ZKSCAN5: variants seen among roughly 807,000 people sequenced by gnomAD.
ZKSCAN5 encodes the protein zinc finger with KRAB and SCAN domains 5.
Under a neutral mutation model 60.0 loss-of-function variants are expected in ZKSCAN5, and 28 were observed. That is an observed-to-expected ratio of 0.47 (90% CI 0.35 to 0.64). ZKSCAN5 has a LOEUF of 0.64. Among genes scored for constraint, ZKSCAN5 ranks in the 30% least tolerant of loss-of-function variants. ZKSCAN5 has a pLI of 0.01. For missense variants in ZKSCAN5, 881 were observed against 1,034.6 expected (o/e 0.85, Z 2.04); for synonymous variants, 361 against 371.2 (o/e 0.97, Z 0.31).
Position 99,532,119 on chromosome 7 carries a change from G to T in ZKSCAN5, c.2390G>T (p.Gly797Val). 6.2e-7 allele frequency: 1 copy of T among 1,614,124 alleles called. No individual in the cohort carries two copies. The highest frequency in any genetic ancestry group is 1.1e-5 in the South Asian group (1 of 91,088). Residue 797 changes from glycine (G) to valine (V), a missense_variant, in exon 7 of 7, where the codon GGT (glycine) becomes GTT (valine). Physicochemically the swap from Gly to Val is moderately radical, Grantham distance 109 (BLOSUM62 -3). Transcript: ENST00000326775. ...HLNQHQRIHT[G>V]EKPFQCKECG... The stretch of plus-strand genomic sequence containing the variant: ...AATCAACATCAGAGAATCCATACTG[G>T]TGAGAAACCTTTTCAATGTAAAGAA...
intron 3 of ZKSCAN5, among the ~76,000 whole-genome samples, chr7:99,519,121 A>G (rs1584186604): frequency 6.7e-6 from 1 of 148,744 alleles, no homozygotes; most frequent in Admixed American, 6.8e-5. Context: ...GACTACAGGC[A>G]CCTGCCACCA....
In ZKSCAN5 at chr7:99,533,387, G is replaced by A; in HGVS notation, c.*1138G>A. 3.5e-6 allele frequency: 2 copies of A among 569,006 alleles called. No homozygotes were observed. The highest frequency in any genetic ancestry group is 3.2e-6 in the Non-Finnish European group (1 of 311,656). 35.2% of individuals were successfully genotyped at this position (569,006 alleles called of 1,614,324 possible). On this transcript the variant is annotated 3_prime_UTR_variant, in exon 7 of 7. Transcript: ENST00000326775. ...CTAGGGAGAGTGAGTGAGTGCTCTT[G>A]GGCACTGCTCAGGCCGTTTCTGCTG...
At position 99,519,273 on chromosome 7, in the gene ZKSCAN5, ATT is replaced by A. The variant is rs536984886; in HGVS notation, c.554-535_554-534del. On this transcript the variant is annotated intron_variant, in intron 3 of 6. Coordinates refer to ENST00000326775, the MANE Select transcript of ZKSCAN5 (RefSeq NM_145102.4). ...ACAGGCGTGAGCCACCACGCCCAGT[ATT>A]TTTTTTTTTTTTTTTTTTCTGAGAC... 2.0e-3 allele frequency among the ~76,000 whole-genome samples: 229 copies of A among 112,632 alleles called. 2 individuals are homozygous for A. The highest frequency in any genetic ancestry group is 1.0e-2 in the South Asian group (34 of 3,414). The allele number at this position is 112,632 out of a possible 152,430, so 73.9% of individuals were successfully genotyped here.
intron 2 of ZKSCAN5, 21 bp downstream of exon 2, chr7:99,506,479 A>C: frequency 6.3e-7 from 1 of 1,589,516 alleles, no homozygotes; most frequent in South Asian, 1.1e-5. Flanking sequence ...GAGAAGCTAT[A>C]TGAGCAATGA....
intron 5 of ZKSCAN5, among the ~76,000 whole-genome samples, chr7:99,521,603 T>A (rs1409521189): frequency 3.3e-5 from 5 of 152,050 alleles, no homozygotes; most frequent in African/African-American, 1.2e-4. Context: ...GACTCTGCTC[T>A]TTTAAATTTT....
chr7:99,531,526 C>T lies in ZKSCAN5; in HGVS notation c.1797C>T (p.His599=), dbSNP rs1452597751. 3 of 1,614,098 alleles carry T rather than the reference C, an allele frequency of 1.9e-6. No homozygotes were observed. In the African/African-American group the frequency reaches 4.0e-5, roughly 22 times the overall value. ...ACCTAACTCAGCATCAGCGCGTCCA[C>T]ACAGGTGAGAAGCCCTACACCTGTC... ...RVHLTQHQRV[H]TGEKPYTCPL... The change falls in exon 7 of 7, where the codon CAC becomes CAT. Residue 599 remains histidine (H), a synonymous_variant. Coordinates refer to ENST00000326775, the MANE Select transcript of ZKSCAN5 (RefSeq NM_145102.4).
At chr7:99,505,855 T>A in intron 1 of ZKSCAN5, 150 bp from the exon 2 acceptor site, 1 of 586,764 alleles carries the variant, frequency 1.7e-6, no homozygotes, top group East Asian at 3.1e-5. Flanking sequence ...TATTTTTAAG[T>A]AAATTACTTT....
chr7:99,506,237 C>T lies in ZKSCAN5; in HGVS notation c.193C>T (p.Arg65Trp), dbSNP rs1800720572. The change falls in exon 2 of 7, where the codon CGG becomes TGG. Residue 65 changes from arginine (R) to tryptophan (W), a missense_variant. Transcript: ENST00000326775. ...CCAGTACCATGAGGCTTCAGGACCC[C>T]GGGAGGCTCTCAGCCAACTCCGGGT... ...HFQYHEASGP[R>W]EALSQLRVLC... The T allele has an allele frequency of 1.9e-6, 3 of 1,614,160 alleles. No homozygotes were observed. Among genetic ancestry groups the T allele is most frequent in the East Asian group, 4.5e-5 (2 of 44,888 alleles).
chr7:99,505,508 A>G (rs886193105), intron 1 of ZKSCAN5: 10 of 156,138 alleles, frequency 6.4e-5, no homozygotes, highest in African/African-American at 2.4e-4. Context: ...CCAGATCTGT[A>G]CCTTATAAAC....
chr7:99,508,696 C>T (rs963260439), intron 2 of ZKSCAN5, among the ~76,000 whole-genome samples: 5 of 151,258 alleles, frequency 3.3e-5, no homozygotes, highest in African/African-American at 1.2e-4. Flanking sequence ...TTGCAGTGAG[C>T]CGAGATTGCG....
At position 99,531,259 on chromosome 7, in the gene ZKSCAN5, G is replaced by A. The variant is rs552912979; in HGVS notation, c.1530G>A (p.Leu510=). The change falls in exon 7 of 7, where the codon CTG becomes CTA. Residue 510 remains leucine, a synonymous_variant. Coordinates refer to ENST00000326775, the MANE Select transcript of ZKSCAN5 (RefSeq NM_145102.4). ...FGEGCEFQGK[L]DRKQGIPMKE... ...AAGGCTGTGAGTTTCAAGGCAAGCT[G>A]GATAGAAAGCAGGGAATTCCCATGA... The A allele has an allele frequency of 1.5e-5, 25 of 1,614,004 alleles. No homozygotes were observed. The highest frequency in any genetic ancestry group is 2.1e-5 in the Non-Finnish European group (25 of 1,180,028).
chr7:99,514,358 A>G (rs528685348), intron 3 of ZKSCAN5, among the ~76,000 whole-genome samples: 3 of 152,278 alleles, frequency 2.0e-5, no homozygotes, highest in South Asian at 2.1e-4. Flanking sequence ...TGTGTCATCT[A>G]CTGAGTTGCC....
chr7:99,525,716 T>C (rs1801747251), intron 5 of ZKSCAN5, 97 bp from the exon 6 acceptor site: 1 of 1,463,764 alleles, frequency 6.8e-7, no homozygotes. Context: ...GAATCATGGA[T>C]CCCTAGCACA....
intron 6 of ZKSCAN5, among the ~76,000 whole-genome samples, chr7:99,530,785 G>A (rs563845827): frequency 6.6e-6 from 1 of 152,238 alleles, no homozygotes; most frequent in Non-Finnish European, 1.5e-5. Flanking sequence ...GGCCAGGCAC[G>A]GTGGCTTAAA....
chr7:99,534,121 A>G lies in ZKSCAN5; in HGVS notation c.*1872A>G. ...TATGGAATTGGGTGGCTCTTGCTGA[A>G]AGTCACTGAATCCTTGAAGAGAAGA... On this transcript the variant is annotated 3_prime_UTR_variant, in exon 7 of 7. Transcript: ENST00000326775. The G allele has an allele frequency of 6.5e-6, 1 of 152,868 alleles. No homozygotes were observed. Among genetic ancestry groups the G allele is most frequent in the South Asian group, 2.1e-4 (1 of 4,846 alleles). The allele number at this position is 152,868 out of a possible 1,614,324, so 9.5% of individuals were successfully genotyped here.
At position 99,531,858 on chromosome 7, in the gene ZKSCAN5, T is replaced by C. The variant is rs1802063347; in HGVS notation, c.2129T>C (p.Ile710Thr). ...TTGACAGTGATTGAAGACAAGAAGA[T>C]TGAGTTACAAGAGCAGCCTTATCAG... ...WNLTVIEDKK[I>T]ELQEQPYQCD... The change falls in exon 7 of 7, where the codon ATT (isoleucine) becomes ACT (threonine). Residue 710 changes from isoleucine (I) to threonine (T), a missense_variant. Coordinates refer to ENST00000326775, the MANE Select transcript of ZKSCAN5 (RefSeq NM_145102.4). 2 of 1,614,170 alleles carry C rather than the reference T, an allele frequency of 1.2e-6. No individual in the cohort carries two copies. Among genetic ancestry groups the C allele is most frequent in the Non-Finnish European group, 1.7e-6 (2 of 1,180,042 alleles).
rs1344694201 is a variant in ZKSCAN5 at position 99,531,239 on chromosome 7, T to G, written c.1510T>G (p.Cys504Gly). The change falls in exon 7 of 7, where the codon TGT (cysteine) becomes GGT (glycine). Residue 504 changes from cysteine to glycine, a missense_variant. Physicochemically the swap from Cys to Gly is radical, Grantham distance 159 (BLOSUM62 -3). This residue lies in a region of ZKSCAN5 where 490 missense variants were observed against 554.5 expected (regional missense o/e 0.88). Coordinates refer to ENST00000326775, the MANE Select transcript of ZKSCAN5 (RefSeq NM_145102.4). ...TCAAGTTCAAGATTTTGGAGAAGGC[T>G]GTGAGTTTCAAGGCAAGCTGGATAG... ...VSQVQDFGEG[C>G]EFQGKLDRKQ... 1 of 1,613,994 alleles carries G rather than the reference T, an allele frequency of 6.2e-7. No homozygotes were observed. Among genetic ancestry groups the G allele is most frequent in the African/African-American group, 1.3e-5 (1 of 74,908 alleles).
intron 2 of ZKSCAN5, among the ~76,000 whole-genome samples, chr7:99,512,109 AAGTGTTT>A (rs1801061152): frequency 1.3e-5 from 2 of 152,042 alleles, no homozygotes; most frequent in African/African-American, 4.8e-5. Flanking sequence ...CTCAACCTTT[AAGTGTTT>A]GCTTACGGGA....
In ZKSCAN5 at chr7:99,526,052, C is replaced by A. The variant is rs772038138; in HGVS notation, c.1012C>A (p.Gln338Lys). The A allele has an allele frequency of 6.2e-7, 1 of 1,614,194 alleles. No individual in the cohort carries two copies. The highest frequency in any genetic ancestry group is 8.5e-7 in the Non-Finnish European group (1 of 1,180,034). The change falls in exon 6 of 7, where the codon CAA becomes AAA. Residue 338 changes from glutamine to lysine, a missense_variant. Around this residue, in one of 5 missense-constraint regions of ZKSCAN5, gnomAD observed 490 missense variants for 554.5 expected, o/e 0.88. Transcript: ENST00000326775. Reference protein sequence around the residue: ...LDAITDISPKQSTHGERGHRC... With the variant: ...LDAITDISPKKSTHGERGHRC... ...TGCAATCACAGACATCAGCCCTAAG[C>A]AAAGCACACATGGCGAGAGAGGGCA...
Sources: allele counts gnomAD v4.1 joint callset (sites outside exome capture counted in the v4.1 genomes callset), GRCh38; gene constraint gnomAD v4.1.1; regional missense constraint gnomAD v4.1.1; transcripts MANE v1.5; gene names NCBI Gene and HGNC (gene_info 2026-07-23, HGNC 2026-07-21).